The following CSNK1G3 variants were observed in gnomAD, a reference collection of about 807,000 sequenced individuals.
CSNK1G3 encodes casein kinase I isoform gamma-3.
In CSNK1G3, 23 loss-of-function variants were observed where a neutral mutation model predicts 64.3. That is an observed-to-expected ratio of 0.36 (90% CI 0.26 to 0.51). The LOEUF (loss-of-function observed/expected upper bound fraction) is 0.51. Among genes scored for constraint, CSNK1G3 ranks in the 20% least tolerant of loss-of-function variants. CSNK1G3 has a pLI of 0.96. For missense variants in CSNK1G3, 357 were observed against 510.5 expected, an observed-to-expected ratio of 0.70 and a Z score of 2.90; for synonymous variants, 158 against 162.2, an observed-to-expected ratio of 0.97 and a Z score of 0.20.
chr5:123,520,518 A>G (rs192224709), intron 1 of CSNK1G3, among the ~76,000 whole-genome samples: 7 of 146,632 alleles, frequency 4.8e-5, no homozygotes, highest in African/African-American at 1.3e-4. Context: ...TTGGGGTGGG[A>G]TGTGTTTTCT....
chr5:123,542,843 A>G (rs1215897192), intron 1 of CSNK1G3, among the ~76,000 whole-genome samples: 1 of 121,658 alleles, frequency 8.2e-6, no homozygotes, highest in Non-Finnish European at 1.6e-5. Flanking sequence ...TGATATGCCT[A>G]GATTTAGTGT....
chr5:123,573,111 C>CT lies in CSNK1G3; in HGVS notation c.290-278dup, dbSNP rs1359428600. The stretch of plus-strand genomic sequence containing the variant: ...GGAAATATAAAGCTAAAAAGCCCAG[C>CT]TTTTGTCCAGTAATAAGGTGGTAGA... On this transcript the variant is annotated intron_variant, in intron 4 of 12. Coordinates refer to ENST00000345990, the Ensembl canonical transcript of CSNK1G3. Among the ~76,000 whole-genome samples the CT allele has an allele frequency of 7.2e-5, 11 of 152,264 alleles. No individual in the cohort carries two copies. In the East Asian group the frequency reaches 2.1e-3, roughly 29 times the overall value.
chr5:123,530,033 G>A (rs1027661668), intron 1 of CSNK1G3, among the ~76,000 whole-genome samples: 1 of 151,260 alleles, frequency 6.6e-6, no homozygotes, highest in African/African-American at 2.4e-5. Context: ...GCTATTTTGA[G>A]ATGTGTTCGG....
intron 2 of CSNK1G3, among the ~76,000 whole-genome samples, chr5:123,551,218 T>C (rs1478023425): frequency 6.6e-6 from 1 of 152,244 alleles, no homozygotes. Flanking sequence ...TAATGTTCTT[T>C]GACATCAAGT....
chr5:123,527,182 C>T (rs7705070), intron 1 of CSNK1G3, among the ~76,000 whole-genome samples: 34,187 of 151,950 alleles, frequency 0.22, 4,060 homozygotes, highest in Middle Eastern at 0.28. Context: ...TAGTGATTTA[C>T]GGGAGCCTCA....
intron 8 of CSNK1G3, 77 bp downstream of exon 8, chr5:123,588,588 TA>T (rs1791754111): frequency 2.2e-6 from 2 of 899,448 alleles, no homozygotes; most frequent in African/African-American, 1.7e-5. Context: ...AGTTTATACA[TA>T]TTTTTTTCTA....
intron 1 of CSNK1G3, among the ~76,000 whole-genome samples, chr5:123,513,130 C>G (rs1776543010): frequency 6.6e-6 from 1 of 152,118 alleles, no homozygotes; most frequent in African/African-American, 2.4e-5. Context: ...TTACCTGTTT[C>G]TTAGAGCTTT....
chr5:123,614,440 C>T (rs1749110645), exon 13 of CSNK1G3: 3 of 1,564,150 alleles, frequency 1.9e-6, no homozygotes, highest in African/African-American at 1.4e-5. Flanking sequence ...ACATGTTCAT[C>T]TGCTGTCTTG....
exon 13 of CSNK1G3, chr5:123,614,454 T>C (rs1749113465): frequency 1.3e-6 from 2 of 1,520,350 alleles, no homozygotes; most frequent in Non-Finnish European, 1.8e-6. Context: ...TGTCTTGTGA[T>C]TAAAATCATC....
intron 4 of CSNK1G3, among the ~76,000 whole-genome samples, 174 bp from the exon 5 acceptor site, chr5:123,573,219 A>G (rs1788469500): frequency 6.6e-6 from 1 of 152,236 alleles, no homozygotes; most frequent in Admixed American, 6.5e-5. Context: ...TGTGAACATC[A>G]AAGAGAAGGT....
chr5:123,582,259 G>C (rs1790442898), intron 6 of CSNK1G3, among the ~76,000 whole-genome samples: 1 of 152,058 alleles, frequency 6.6e-6, no homozygotes, highest in South Asian at 2.1e-4. Flanking sequence ...ATTGCAGAAG[G>C]TTTCCAATCA....
intron 10 of CSNK1G3, among the ~76,000 whole-genome samples, chr5:123,593,186 G>GGTGT (rs148381487): frequency 7.4e-6 from 1 of 136,046 alleles, no homozygotes; most frequent in Non-Finnish European, 1.6e-5. Flanking sequence ...ATGTAGGGTG[G>GGTGT]GTGTGTGTGT....
At position 123,554,782 on chromosome 5, in the gene CSNK1G3, G is replaced by A. The variant is rs1285649966; in HGVS notation, c.219+1635G>A. ...TACAGTCTGTGCTATTGATACAACA[G>A]CCTGTAGTGGGCAGCTCTACTCATG... On this transcript the variant is annotated intron_variant, in intron 3 of 12. Coordinates refer to ENST00000345990, the Ensembl canonical transcript of CSNK1G3. Among the ~76,000 whole-genome samples the A allele has an allele frequency of 2.0e-5, 3 of 152,194 alleles. No homozygotes were observed. In the East Asian group the frequency reaches 5.8e-4, roughly 29 times the overall value.
At chr5:123,526,661 T>C (rs1166611198) in intron 1 of CSNK1G3, among the ~76,000 whole-genome samples, 1 of 151,976 alleles carries the variant, frequency 6.6e-6, no homozygotes, top group Non-Finnish European at 1.5e-5. Context: ...AATTGAAACA[T>C]GTGTTATATA....
chr5:123,586,284 G>T (rs1444030456), intron 6 of CSNK1G3, among the ~76,000 whole-genome samples: 3 of 152,118 alleles, frequency 2.0e-5, no homozygotes, highest in Admixed American at 1.3e-4. Flanking sequence ...AGAGTAATAG[G>T]CAAGAGACAT....
intron 10 of CSNK1G3, among the ~76,000 whole-genome samples, chr5:123,597,452 G>A (rs530823860): frequency 3.4e-4 from 52 of 152,134 alleles, no homozygotes; most frequent in African/African-American, 1.2e-3. Context: ...AATGAGCCTC[G>A]GTAAGACTAT....
At chr5:123,570,085 T>C (rs1009236603) in intron 4 of CSNK1G3, among the ~76,000 whole-genome samples, 2 of 152,196 alleles carry the variant, frequency 1.3e-5, no homozygotes, top group Admixed American at 6.5e-5. Flanking sequence ...CATTCACTTA[T>C]GTATCCGTAA....
In CSNK1G3 at chr5:123,604,707, AT is replaced by A. The variant is rs758796519; in HGVS notation, c.1087-8del. 5.2e-5 allele frequency: 78 copies of A among 1,496,396 alleles called. No individual in the cohort carries two copies. The highest frequency in any genetic ancestry group is 1.7e-4 in the Middle Eastern group (1 of 5,784). 92.7% of individuals were successfully genotyped at this position (1,496,396 alleles called of 1,614,324 possible). On this transcript the variant is annotated splice_polypyrimidine_tract_variant and intron_variant, in intron 10 of 12. Coordinates refer to ENST00000345990, the Ensembl canonical transcript of CSNK1G3. ...GTGTGTACATATACATATATAAAAA[AT>A]TTTTTTTTCAAACAGGTTGTAAGTT...
chr5:123,575,961 A>G, exon 6 of CSNK1G3: 1 of 1,595,220 alleles, frequency 6.3e-7, no homozygotes, highest in Non-Finnish European at 8.6e-7. Context: ...CATTTAGGAA[A>G]AGGTATGTGT....
Sources: allele counts gnomAD v4.1 joint callset (sites outside exome capture counted in the v4.1 genomes callset), GRCh38; gene constraint gnomAD v4.1.1; transcripts MANE v1.5; gene names NCBI Gene and HGNC (gene_info 2026-07-23, HGNC 2026-07-21).